Variants in SIGIRR observed in about 807,000 individuals in gnomAD.
SIGIRR encodes the protein single Ig IL-1-related receptor.
Under a neutral mutation model 45.6 loss-of-function variants are expected in SIGIRR, and 41 were observed. That is an observed-to-expected ratio of 0.90 (90% CI 0.70 to 1.17). The LOEUF (loss-of-function observed/expected upper bound fraction) is 1.17, where lower values mean the gene tolerates loss of function less well. SIGIRR is among the 50% of genes most tolerant of loss of function. The pLI is 0.00. For synonymous variants in SIGIRR, 298 were observed against 239.0 expected, an observed-to-expected ratio of 1.25 and a Z score of -2.28; for missense variants, 599 against 539.6, an observed-to-expected ratio of 1.11 and a Z score of -1.09.
In SIGIRR at chr11:406,459, G is replaced by C. The variant is rs191365437; in HGVS notation, c.959C>G (p.Pro320Arg). Residue 320 changes from proline (P) to arginine (R), a missense_variant, in exon 9 of 10, where the codon CCC becomes CGC. Physicochemically the swap from Pro to Arg is moderately radical, Grantham distance 103 (BLOSUM62 -2). Coordinates refer to ENST00000431843, the MANE Select transcript of SIGIRR (RefSeq NM_001135054.2). ...CTTGTCGTCCTGCAGCTGCGTCTGG[G>C]GGTCTCCTTCCACAGGCCTGTACTG... ...KVQYRPVEGD[P>R]QTQLQDDKDP... 6.2e-7 allele frequency: 1 copy of C among 1,612,518 alleles called. No individual in the cohort carries two copies. Among genetic ancestry groups the C allele is most frequent in the Non-Finnish European group, 8.5e-7 (1 of 1,179,844 alleles).
chr11:408,812 A>G lies in SIGIRR; in HGVS notation c.89T>C (p.Leu30Pro), dbSNP rs1252086252. Reference sequence around the variant, plus strand: ...AGAGACTACCCAAGCCGTGCAGTTCAGAGCCACTGAGCTGCCCAAGGCAGG... The same window carrying G: ...AGAGACTACCCAAGCCGTGCAGTTCGGAGCCACTGAGCTGCCCAAGGCAGG... ...LRPALGSSVA[L>P]NCTAWVVSGP... Residue 30 changes from leucine (L) to proline (P), a missense_variant, in exon 3 of 10, where the codon CTG becomes CCG. Physicochemically the swap from Leu to Pro is moderately conservative, Grantham distance 98. Transcript: ENST00000431843. 2.5e-6 allele frequency: 4 copies of G among 1,612,800 alleles called. No homozygotes were observed.
At chr11:406,224 G>C (rs1847289937) in intron 9 of SIGIRR, 125 bp downstream of exon 9, 1 of 1,540,140 alleles carries the variant, frequency 6.5e-7, no homozygotes, top group Admixed American at 2.0e-5. Context: ...GGCCGTGCAG[G>C]GGCTCCCGGT....
chr11:406,899 G>A lies in SIGIRR; in HGVS notation c.823C>T (p.Leu275=). Residue 275 remains leucine (L), a synonymous_variant, in exon 8 of 10, where the codon CTG becomes TTG. Transcript: ENST00000431843. The stretch of plus-strand genomic sequence containing the variant: ...ACCAGGTGGCGGTGCTGGCGCAGCA[G>A]GCGGAGCGCCGGGTGCGCGGGGTCG... ...RRDPAHPALR[L]LRQHRHLVTL... The A allele has an allele frequency of 6.3e-7, 1 of 1,589,206 alleles. No individual in the cohort carries two copies. The highest frequency in any genetic ancestry group is 8.5e-7 in the Non-Finnish European group (1 of 1,173,274).
rs375766912 is a variant in SIGIRR, at chr11:407,416, C to A, written c.625+9G>T. 8.7e-5 allele frequency: 133 copies of A among 1,536,788 alleles called. No individual in the cohort carries two copies. In the African/African-American group the frequency reaches 1.7e-3, roughly 19 times the overall value. On this transcript the variant is annotated intron_variant, in intron 6 of 9. Coordinates refer to ENST00000431843, the MANE Select transcript of SIGIRR (RefSeq NM_001135054.2). ...GGGTGGGCGGGGCACGGGGTGGGGC[C>A]CGGGATACCAGCGCGCGGCAGGAGG...
chr11:409,456 G>A, intron 2 of SIGIRR: 1 of 271,650 alleles, frequency 3.7e-6, no homozygotes, highest in East Asian at 7.5e-5. Context: ...CCTGGCCACA[G>A]GCAAGCCCTC....
In SIGIRR at chr11:408,705, C is replaced by A; in HGVS notation, c.196G>T (p.Glu66Ter). 6.2e-7 allele frequency: 1 copy of A among 1,612,656 alleles called. No individual in the cohort carries two copies. The highest frequency in any genetic ancestry group is 8.5e-7 in the Non-Finnish European group (1 of 1,179,912). The change falls in exon 3 of 10, where the codon GAG (glutamate) becomes TAG (stop). Residue 66 changes from glutamate to a stop codon, truncating the protein, a stop_gained. Coordinates refer to ENST00000431843, the MANE Select transcript of SIGIRR (RefSeq NM_001135054.2). LOFTEE classifies it high-confidence loss of function. Reference sequence around the variant, plus strand: ...ACCCGGGTCTCTTACCAGGAGTACTCGTGGAGGCTGTAGTGGCCCCCAATT... The same window carrying A: ...ACCCGGGTCTCTTACCAGGAGTACTAGTGGAGGCTGTAGTGGCCCCCAATT... The part of the protein sequence containing the change: ...LGIGGHYSLH[E>*]YSWVKANLSE...
upstream of SIGIRR, among the ~76,000 whole-genome samples, chr11:415,588 C>T (rs78887335): frequency 8.6e-4 from 131 of 152,270 alleles, 2 homozygotes; most frequent in East Asian, 0.017. This position sits in a 1 kb window ranked among gnomAD's most constrained non-coding sequence, Gnocchi z 6.6. Context: ...ACTCTTCCGC[C>T]CTCTCCCCGT....
chr11:415,237 T>A (rs1847848736), upstream of SIGIRR, among the ~76,000 whole-genome samples: 1 of 67,324 alleles, frequency 1.5e-5, no homozygotes, highest in Admixed American at 1.5e-4. This position sits in a 1 kb window ranked among gnomAD's most constrained non-coding sequence, Gnocchi z 6.6. Context: ...TGTGTGTGTG[T>A]GTGTGTGTGT....
chr11:415,524 C>T (rs73400598), upstream of SIGIRR, among the ~76,000 whole-genome samples: 4,406 of 152,226 alleles, frequency 0.029, 127 homozygotes, highest in African/African-American at 0.073. The surrounding 1 kb of genome is among the most constrained non-coding windows in gnomAD (Gnocchi z 6.6). Flanking sequence ...TGACCTCTGA[C>T]CCCGGGGAAC....
intron 1 of SIGIRR, among the ~76,000 whole-genome samples, chr11:412,657 A>G: frequency 4.3e-5 from 2 of 46,152 alleles, no homozygotes; most frequent in African/African-American, 2.3e-4. Flanking sequence ...AGGGGTGCTC[A>G]GCTCTGACCA....
upstream of SIGIRR, among the ~76,000 whole-genome samples, chr11:417,003 C>A (rs112906039): frequency 8.3e-3 from 1,257 of 152,314 alleles, 20 homozygotes; most frequent in African/African-American, 0.029. The surrounding 1 kb of genome is among the most constrained non-coding windows in gnomAD (Gnocchi z 4.2). Context: ...AGGTGGGATC[C>A]CTGCGCGCCT....
chr11:406,529 A>C lies in SIGIRR; in HGVS notation c.889T>G (p.Ser297Ala). 1 of 1,608,646 alleles carries C rather than the reference A, an allele frequency of 6.2e-7. No individual in the cohort carries two copies. The highest frequency in any genetic ancestry group is 8.5e-7 in the Non-Finnish European group (1 of 1,176,796). The change falls in exon 9 of 10, where the codon TCC becomes GCC. Residue 297 changes from serine (S) to alanine (A), a missense_variant. Ser to Ala is a moderately conservative substitution (Grantham distance 99). Transcript: ENST00000431843. ...AGCTGCACTTCTTTCCAAAAATCGG[A>C]GGAAGGAGTCTGGGGGCCAGGTCGG... The part of the protein sequence containing the change: ...LWRPGSVTPS[S>A]DFWKEVQLAL...
At position 407,571 on chromosome 11, in the gene SIGIRR, G is replaced by C. The variant is rs1331666447; in HGVS notation, c.482-3C>G. ...GTAGGCGTCGTAGAGCTTCCCGTCT[G>C]CGGACGGCGGCCAGTCACCCCGATG... On this transcript the variant is annotated splice_polypyrimidine_tract_variant and splice_region_variant and intron_variant, in intron 5 of 9. Transcript: ENST00000431843. 1 of 1,605,860 alleles carries C rather than the reference G, an allele frequency of 6.2e-7. No homozygotes were observed. The highest frequency in any genetic ancestry group is 1.7e-5 in the Admixed American group (1 of 59,610).
chr11:409,753 G>C, intron 2 of SIGIRR, 115 bp downstream of exon 2: 1 of 1,194,424 alleles, frequency 8.4e-7, no homozygotes, highest in Non-Finnish European at 1.1e-6. Context: ...TGTACCCCCG[G>C]CATGTGGCCA....
chr11:407,428 C>T lies in SIGIRR; in HGVS notation c.622G>A (p.Ala208Thr), dbSNP rs1847390621. 2 of 1,545,304 alleles carry T rather than the reference C, an allele frequency of 1.3e-6. No individual in the cohort carries two copies. The highest frequency in any genetic ancestry group is 1.7e-6 in the Non-Finnish European group (2 of 1,144,718). The change falls in exon 6 of 10, where the codon GCT becomes ACT. Residue 208 changes from alanine (A) to threonine (T), a missense_variant. Ala to Thr is a moderately conservative substitution (Grantham distance 58). Transcript: ENST00000431843. ...FLDDRDLLPR[A>T]EPSADLLVNL... ...CACGGGGTGGGGCCCGGGATACCAG[C>T]GCGCGGCAGGAGGTCGCGGTCGTCC...
chr11:406,107 G>T (rs768784980), intron 9 of SIGIRR, 48 bp from the exon 10 acceptor site: 1 of 1,543,738 alleles, frequency 6.5e-7, no homozygotes, highest in South Asian at 1.2e-5. Flanking sequence ...CACAGCCTTG[G>T]CCCAGACCCA....
At chr11:409,244 A>G (rs1847485494) in intron 2 of SIGIRR, 1 of 450,020 alleles carries the variant, frequency 2.2e-6, no homozygotes, top group Non-Finnish European at 4.3e-6. Context: ...TGACACCATG[A>G]TGCCTGTCTC....
chr11:409,022 A>T (rs1847476692), intron 2 of SIGIRR, 129 bp from the exon 3 acceptor site: 1 of 818,416 alleles, frequency 1.2e-6, no homozygotes, highest in Non-Finnish European at 2.0e-6. Flanking sequence ...TCTGTCCACG[A>T]GTCCCATGGG....
chr11:406,920 G>C lies in SIGIRR; in HGVS notation c.802C>G (p.Pro268Ala). The C allele has an allele frequency of 1.3e-6, 2 of 1,596,298 alleles. No individual in the cohort carries two copies. The highest frequency in any genetic ancestry group is 1.1e-5 in the South Asian group (1 of 89,674). The change falls in exon 8 of 10, where the codon CCC (proline) becomes GCC (alanine). Residue 268 changes from proline to alanine, a missense_variant. Physicochemically the swap from Pro to Ala is conservative, Grantham distance 27. Coordinates refer to ENST00000431843, the MANE Select transcript of SIGIRR (RefSeq NM_001135054.2). ...AGCAGGCGGAGCGCCGGGTGCGCGG[G>C]GTCGCGCCTCTGGCCCTCGAAGGTG... ...FITFEGQRRD[P>A]AHPALRLLRQ...
Sources: allele counts gnomAD v4.1 joint callset (sites outside exome capture counted in the v4.1 genomes callset), GRCh38; gene constraint gnomAD v4.1.1; non-coding constraint Gnocchi (gnomAD v3.1); transcripts MANE v1.5; gene names NCBI Gene and HGNC (gene_info 2026-07-23, HGNC 2026-07-21).